The following EPHA3 variants were observed in gnomAD, a reference collection of about 807,000 sequenced individuals.
EPHA3 encodes the protein EPH receptor A3, also known as ephrin type-A receptor 3.
A neutral mutation model predicts 107.1 loss-of-function variants in EPHA3; 42 were observed. The observed-to-expected ratio is 0.39, with a 90% CI of 0.31 to 0.51. EPHA3 has a LOEUF of 0.51. EPHA3 is among the 20% of genes least tolerant of loss of function. The pLI, the probability that EPHA3 is intolerant of heterozygous loss-of-function variation, is 0.78. For missense variants in EPHA3, 1,183 were observed against 1,211.2 expected, an observed-to-expected ratio of 0.98 and a Z score of 0.35; for synonymous variants, 461 against 424.8, an observed-to-expected ratio of 1.09 and a Z score of -1.05.
chr3:89,373,560 G>A (rs1300850062), intron 5 of EPHA3, among the ~76,000 whole-genome samples: 1 of 151,722 alleles, frequency 6.6e-6, no homozygotes, highest in Non-Finnish European at 1.5e-5. Flanking sequence ...TAAGCCCACT[G>A]GTCTCATTCC....
chr3:89,258,193 A>T (rs1705330703), intron 3 of EPHA3, among the ~76,000 whole-genome samples: 1 of 152,192 alleles, frequency 6.6e-6, no homozygotes, highest in South Asian at 2.1e-4. Flanking sequence ...GACATTCAAT[A>T]AGTAACTAGC....
chr3:89,229,964 T>C (rs1450113235), intron 3 of EPHA3, among the ~76,000 whole-genome samples: 1 of 152,120 alleles, frequency 6.6e-6, no homozygotes. Context: ...AGAAATGGCA[T>C]AATTTTCAAT....
In EPHA3 at chr3:89,216,595, G is replaced by A. The variant is rs541382038; in HGVS notation, c.814+6075G>A. On this transcript the variant is annotated intron_variant, in intron 3 of 16. Coordinates refer to ENST00000336596, the MANE Select transcript of EPHA3 (RefSeq NM_005233.6). The stretch of plus-strand genomic sequence containing the variant: ...AAATTCCTTTTCTTTAACTTAAGGT[G>A]TTTTATATGGATGACCTTCCTTAGC... Among the ~76,000 whole-genome samples the A allele has an allele frequency of 7.6e-4, 115 of 152,142 alleles. 1 individual carries two copies. The highest frequency in any genetic ancestry group is 3.4e-3 in the Middle Eastern group (1 of 294).
intron 2 of EPHA3, among the ~76,000 whole-genome samples, chr3:89,166,278 CT>C (rs1232195181): frequency 6.6e-6 from 1 of 152,066 alleles, no homozygotes; most frequent in African/African-American, 2.4e-5. Context: ...AGTTGTTCAG[CT>C]TTTTAAATTG....
chr3:89,433,304 T>TA (rs143380936), intron 13 of EPHA3, among the ~76,000 whole-genome samples: 15,003 of 148,424 alleles, frequency 0.1, 762 homozygotes, highest in Middle Eastern at 0.14. Flanking sequence ...TATTCCCGAT[T>TA]AAAAAAAAAA....
chr3:89,115,587 A>G (rs539496391), intron 1 of EPHA3, among the ~76,000 whole-genome samples: 1 of 152,288 alleles, frequency 6.6e-6, no homozygotes, highest in South Asian at 2.1e-4. Flanking sequence ...AGACTTCAAG[A>G]CTAATATATC....
At chr3:89,352,975 A>AAAATATTTC (rs202090231) in intron 5 of EPHA3, among the ~76,000 whole-genome samples, 2,332 of 150,394 alleles carry the variant, frequency 0.016, 70 homozygotes, top group African/African-American at 0.051. Context: ...TTTGATAAAG[A>AAAATATTTC]AAATATTTCT....
chr3:89,190,896 A>G (rs1705698203), intron 2 of EPHA3, among the ~76,000 whole-genome samples: 1 of 152,084 alleles, frequency 6.6e-6, no homozygotes, highest in Admixed American at 6.5e-5. Context: ...TCACAATAAT[A>G]ACTTCATTTT....
chr3:89,208,075 T>A (rs1706150416), intron 2 of EPHA3, among the ~76,000 whole-genome samples: 3 of 152,044 alleles, frequency 2.0e-5, no homozygotes. Flanking sequence ...GGTTATACCG[T>A]AAGAAAGGCA....
At chr3:89,309,881 C>T (rs754289101) in intron 3 of EPHA3, among the ~76,000 whole-genome samples, 2 of 151,670 alleles carry the variant, frequency 1.3e-5, no homozygotes, top group African/African-American at 2.4e-5. Flanking sequence ...CCCCCCACCC[C>T]CCACACACAA....
intron 10 of EPHA3, among the ~76,000 whole-genome samples, chr3:89,416,279 T>TA (rs1709244448): frequency 6.6e-6 from 1 of 151,412 alleles, no homozygotes; most frequent in Non-Finnish European, 1.5e-5. Context: ...TTATTAGAAT[T>TA]AAAAAATCAA....
intron 2 of EPHA3, among the ~76,000 whole-genome samples, chr3:89,168,869 T>C (rs951397260): frequency 2.2e-4 from 34 of 152,108 alleles, no homozygotes; most frequent in Non-Finnish European, 7.4e-5. Flanking sequence ...GAAATTCTGG[T>C]ACACCATCAA....
intron 3 of EPHA3, among the ~76,000 whole-genome samples, chr3:89,258,492 A>G (rs769842405): frequency 1.3e-5 from 2 of 152,316 alleles, no homozygotes; most frequent in African/African-American, 4.8e-5. Context: ...GCCATTGTAC[A>G]TGACAAATTT....
At chr3:89,449,178 T>C (rs1408933578) in intron 13 of EPHA3, 47 bp from the exon 14 acceptor site, 10 of 1,504,564 alleles carry the variant, frequency 6.6e-6, no homozygotes, top group African/African-American at 1.4e-5. Context: ...GTATATTATA[T>C]GTTCTATGCA....
At chr3:89,415,474 A>ATATATATATATATATG (rs1260319898) in intron 10 of EPHA3, among the ~76,000 whole-genome samples, 7 of 146,202 alleles carry the variant, frequency 4.8e-5, no homozygotes, top group Admixed American at 4.1e-4. Flanking sequence ...AAGAATATAT[A>ATATATATATATATATG]TATATATATA....
intron 15 of EPHA3, among the ~76,000 whole-genome samples, chr3:89,468,255 A>AT (rs35497321): frequency 0.94 from 141,240 of 150,618 alleles, 66,336 homozygotes; most frequent in East Asian, 0.99. Context: ...AAATTAGGTC[A>AT]TTTTTTTTTG....
At chr3:89,259,508 A>G (rs1324622163) in intron 3 of EPHA3, among the ~76,000 whole-genome samples, 4 of 152,206 alleles carry the variant, frequency 2.6e-5, no homozygotes, top group Non-Finnish European at 4.4e-5. Context: ...TTTTTGTGTG[A>G]AAAGTGGGGC....
chr3:89,148,750 C>A (rs1176255666), intron 2 of EPHA3, among the ~76,000 whole-genome samples: 4 of 151,922 alleles, frequency 2.6e-5, no homozygotes, highest in Non-Finnish European at 5.9e-5. Flanking sequence ...TTTATCATGT[C>A]ACTTATAGAA....
intron 2 of EPHA3, among the ~76,000 whole-genome samples, chr3:89,180,722 C>T (rs1705425218): frequency 6.6e-6 from 1 of 151,944 alleles, no homozygotes; most frequent in Non-Finnish European, 1.5e-5. Context: ...TTATTTTTCT[C>T]TGTCGTTATT....
Sources: gnomAD v4.1 joint callset for allele counts (sites outside exome capture counted in the v4.1 genomes callset) on GRCh38, gnomAD v4.1.1 for gene constraint, MANE v1.5 for transcripts, NCBI Gene and HGNC (gene_info 2026-07-23, HGNC 2026-07-21) for gene names.